The following RSU1 variants were observed in gnomAD, a reference collection of about 807,000 sequenced individuals.
RSU1 encodes Ras suppressor protein 1.
A neutral mutation model predicts 31.1 loss-of-function variants in RSU1; 26 were observed. The ratio of observed to expected loss-of-function variants is 0.84; its 90% CI spans 0.61 to 1.16. RSU1 has a LOEUF of 1.16. Among genes scored for constraint, RSU1 ranks in the 50% most tolerant of loss-of-function variants. The pLI is 0.00. For missense variants in RSU1, 320 were observed against 339.1 expected (o/e 0.94, Z 0.44); for synonymous variants, 164 against 136.3 (o/e 1.20, Z -1.41).
chr10:16,779,906 G>A (rs923831886), intron 3 of RSU1, among the ~76,000 whole-genome samples: 14 of 152,138 alleles, frequency 9.2e-5, no homozygotes, highest in African/African-American at 3.1e-4. Context: ...TGTCAGTGAC[G>A]CTACTCAGGA....
At chr10:16,647,063 C>T (rs190921091) in intron 8 of RSU1, among the ~76,000 whole-genome samples, 4 of 150,616 alleles carry the variant, frequency 2.7e-5, no homozygotes, top group Admixed American at 2.0e-4. Flanking sequence ...CTGCAACCTC[C>T]GCCTCCCAGG....
intron 8 of RSU1, among the ~76,000 whole-genome samples, chr10:16,638,139 A>G (rs1292945893): frequency 6.6e-6 from 1 of 152,194 alleles, no homozygotes; most frequent in Non-Finnish European, 1.5e-5. Flanking sequence ...TTATAGGCAA[A>G]GAACTTGAAG....
intron 4 of RSU1, among the ~76,000 whole-genome samples, chr10:16,761,479 C>T (rs577461495): frequency 2.6e-5 from 4 of 152,216 alleles, no homozygotes; most frequent in Middle Eastern, 3.4e-3. Context: ...ACCTGACAGC[C>T]GCCCGCCTCA....
At chr10:16,788,326 A>C (rs989965813) in intron 2 of RSU1, among the ~76,000 whole-genome samples, 13 of 152,264 alleles carry the variant, frequency 8.5e-5, no homozygotes, top group Admixed American at 2.0e-4. Flanking sequence ...CGTTTTCCCC[A>C]AAAAATTCAT....
intron 8 of RSU1, among the ~76,000 whole-genome samples, chr10:16,678,405 T>G (rs544505247): frequency 6.6e-6 from 1 of 152,348 alleles, no homozygotes; most frequent in South Asian, 2.1e-4. Context: ...GCGAGAAACC[T>G]TCTCTCAAGC....
intron 8 of RSU1, among the ~76,000 whole-genome samples, chr10:16,605,887 C>A (rs961633405): frequency 6.6e-6 from 1 of 152,178 alleles, no homozygotes; most frequent in African/African-American, 2.4e-5. Flanking sequence ...CCGTAGCCTC[C>A]ACCTCTTGAG....
chr10:16,794,380 G>C (rs1381270447), intron 2 of RSU1, among the ~76,000 whole-genome samples: 1 of 152,240 alleles, frequency 6.6e-6, no homozygotes, highest in Admixed American at 6.5e-5. Context: ...AATTTTTTTA[G>C]GGTTAATAAA....
chr10:16,663,871 G>T (rs1211971135), intron 8 of RSU1, among the ~76,000 whole-genome samples: 1 of 152,170 alleles, frequency 6.6e-6, no homozygotes, highest in East Asian at 1.9e-4. Context: ...CTGCCCTTTG[G>T]TGACAGGTGG....
chr10:16,710,270 G>A (rs939179759), intron 7 of RSU1, among the ~76,000 whole-genome samples: 1 of 152,234 alleles, frequency 6.6e-6, no homozygotes, highest in South Asian at 2.1e-4. Flanking sequence ...TGATCATATT[G>A]TTTTTGTCTC....
intron 7 of RSU1, among the ~76,000 whole-genome samples, chr10:16,719,957 A>T (rs1836221450): frequency 6.6e-6 from 1 of 152,248 alleles, no homozygotes. Flanking sequence ...CCCTCAAAGG[A>T]ACCTGCAAAT....
At chr10:16,778,766 T>C (rs1272201559) in intron 3 of RSU1, among the ~76,000 whole-genome samples, 1 of 151,944 alleles carries the variant, frequency 6.6e-6, no homozygotes, top group Admixed American at 6.6e-5. Context: ...CAGAAGATGA[T>C]CCATCTTCCT....
chr10:16,636,476 T>C (rs1278365619), intron 8 of RSU1, among the ~76,000 whole-genome samples: 2 of 152,244 alleles, frequency 1.3e-5, no homozygotes, highest in Admixed American at 6.5e-5. Flanking sequence ...GTTGGCACTC[T>C]GGGCCAAGCC....
chr10:16,702,603 C>T (rs1018014229), intron 7 of RSU1, among the ~76,000 whole-genome samples: 3 of 152,176 alleles, frequency 2.0e-5, no homozygotes, highest in African/African-American at 4.8e-5. Context: ...GGAGCTGTAG[C>T]CCCTTTCTTT....
At chr10:16,787,421 C>T (rs1037723533) in intron 2 of RSU1, among the ~76,000 whole-genome samples, 5 of 152,132 alleles carry the variant, frequency 3.3e-5, no homozygotes, top group African/African-American at 1.2e-4. Flanking sequence ...CCGACTTGCC[C>T]AACCCGCACG....
chr10:16,636,369 C>T (rs1240429173), intron 8 of RSU1, among the ~76,000 whole-genome samples: 1 of 152,106 alleles, frequency 6.6e-6, no homozygotes, highest in Non-Finnish European at 1.5e-5. Flanking sequence ...GACTCCTCTC[C>T]TTCTCTCCCA....
At chr10:16,726,420 C>T (rs1163009698) in intron 7 of RSU1, among the ~76,000 whole-genome samples, 1 of 152,034 alleles carries the variant, frequency 6.6e-6, no homozygotes, top group African/African-American at 2.4e-5. Flanking sequence ...GTGCCCACCA[C>T]CACGCCCAGC....
chr10:16,620,334 A>G (rs1192911604), intron 8 of RSU1, among the ~76,000 whole-genome samples: 2 of 152,106 alleles, frequency 1.3e-5, no homozygotes, highest in Non-Finnish European at 2.9e-5. Flanking sequence ...AGTTTTCTTG[A>G]AAGGAATCAC....
intron 3 of RSU1, among the ~76,000 whole-genome samples, chr10:16,765,036 A>G (rs187425557): frequency 1.3e-5 from 2 of 152,322 alleles, no homozygotes; most frequent in African/African-American, 4.8e-5. Flanking sequence ...TCTGTACCAC[A>G]AACAGTCTAT....
At chr10:16,661,504 C>T (rs796921856) in intron 8 of RSU1, among the ~76,000 whole-genome samples, 1 of 152,198 alleles carries the variant, frequency 6.6e-6, no homozygotes, top group African/African-American at 2.4e-5. Context: ...TGGCAAGTAG[C>T]GTATACTTAT....
Sources: gnomAD v4.1 joint callset for allele counts (sites outside exome capture counted in the v4.1 genomes callset) on GRCh38, gnomAD v4.1.1 for gene constraint, MANE v1.5 for transcripts, NCBI Gene and HGNC (gene_info 2026-07-23, HGNC 2026-07-21) for gene names.